Variants in NRG3 observed in about 807,000 individuals in gnomAD.
NRG3 encodes pro-neuregulin-3, membrane-bound isoform.
Under a neutral mutation model 66.9 loss-of-function variants are expected in NRG3, and 31 were observed. The observed-to-expected ratio is 0.46, with a 90% confidence interval of 0.35 to 0.63. The LOEUF (loss-of-function observed/expected upper bound fraction) is 0.63. Ranked by LOEUF, NRG3 falls within the 20% of genes least tolerant of loss-of-function variation. NRG3 has a pLI of 0.00. For synonymous variants in NRG3, 393 were observed against 359.4 expected (o/e 1.09, Z -1.06); for missense variants, 910 against 878.9 (o/e 1.04, Z -0.45).
intron 2 of NRG3, among the ~76,000 whole-genome samples, chr10:82,360,077 C>A (rs1413277271): frequency 6.6e-6 from 1 of 152,202 alleles, no homozygotes; most frequent in East Asian, 1.9e-4. Context: ...TCACCCCTGA[C>A]ATGTGGTGTT....
At chr10:82,941,095 C>A (rs368676087) in intron 4 of NRG3, among the ~76,000 whole-genome samples, 1 of 152,234 alleles carries the variant, frequency 6.6e-6, no homozygotes, top group African/African-American at 2.4e-5. Flanking sequence ...ATCTCAGCTT[C>A]TCTGCACTTG....
intron 3 of NRG3, among the ~76,000 whole-genome samples, chr10:82,756,898 A>G (rs533710343): frequency 3.3e-5 from 5 of 151,952 alleles, no homozygotes; most frequent in Non-Finnish European, 7.4e-5. Context: ...ATACAAAAGC[A>G]CTTGTAAGTT....
At chr10:82,342,609 A>G (rs1183462733) in intron 1 of NRG3, among the ~76,000 whole-genome samples, 1 of 151,852 alleles carries the variant, frequency 6.6e-6, no homozygotes, top group Non-Finnish European at 1.5e-5. Context: ...CCCCTTTTTA[A>G]TAGAGTTATT....
At chr10:82,546,674 T>C (rs1314051220) in intron 2 of NRG3, among the ~76,000 whole-genome samples, 2 of 152,306 alleles carry the variant, frequency 1.3e-5, no homozygotes, top group South Asian at 4.1e-4. Flanking sequence ...TAAATACTTA[T>C]AAAATTAGTC....
intron 2 of NRG3, among the ~76,000 whole-genome samples, chr10:82,516,267 T>C (rs1845645542): frequency 6.6e-6 from 1 of 152,154 alleles, no homozygotes; most frequent in African/African-American, 2.4e-5. Context: ...TTGCTTCTTT[T>C]CTTTACAAAA....
intron 1 of NRG3, among the ~76,000 whole-genome samples, chr10:82,047,192 C>G (rs1022452861): frequency 5.9e-5 from 9 of 151,662 alleles, no homozygotes; most frequent in African/African-American, 2.2e-4. Context: ...GTGAATCCAT[C>G]TGGTCCTGGA....
intron 1 of NRG3, among the ~76,000 whole-genome samples, chr10:82,163,504 G>C (rs2347777): frequency 6.6e-6 from 1 of 152,140 alleles, no homozygotes; most frequent in Non-Finnish European, 1.5e-5. Context: ...TTAGATTTTC[G>C]ATTAGACATC....
intron 7 of NRG3, among the ~76,000 whole-genome samples, chr10:82,976,175 C>G (rs1179910905): frequency 6.6e-6 from 1 of 152,094 alleles, no homozygotes; most frequent in African/African-American, 2.4e-5. Flanking sequence ...CTTGCCTCAG[C>G]CGTCTGAGTA....
At chr10:82,148,173 A>G (rs10490932) in intron 1 of NRG3, among the ~76,000 whole-genome samples, 33,916 of 152,012 alleles carry the variant, frequency 0.22, 4,249 homozygotes, top group African/African-American at 0.32. Flanking sequence ...TGAACATTCT[A>G]ATCAAAAACT....
At chr10:82,757,977 G>A (rs897168144) in intron 3 of NRG3, among the ~76,000 whole-genome samples, 5 of 151,962 alleles carry the variant, frequency 3.3e-5, no homozygotes, top group African/African-American at 1.2e-4. Context: ...TTTGTTCTCA[G>A]CCTTTCTCTA....
chr10:82,968,839 GA>G (rs541543245), intron 6 of NRG3, among the ~76,000 whole-genome samples: 64 of 152,266 alleles, frequency 4.2e-4, no homozygotes, highest in African/African-American at 1.5e-3. Context: ...GATTTATGAA[GA>G]AAAAGAGGTT....
chr10:82,373,962 T>C (rs890824642), intron 2 of NRG3, among the ~76,000 whole-genome samples: 1 of 152,142 alleles, frequency 6.6e-6, no homozygotes, highest in African/African-American at 2.4e-5. Flanking sequence ...GAGCAAAACC[T>C]CTGTATCTAT....
At chr10:82,506,583 A>C (rs1386693886) in intron 2 of NRG3, among the ~76,000 whole-genome samples, 1 of 150,932 alleles carries the variant, frequency 6.6e-6, no homozygotes, top group Non-Finnish European at 1.5e-5. Flanking sequence ...CTGCCTACCT[A>C]CCTTTCCTCT....
intron 2 of NRG3, among the ~76,000 whole-genome samples, chr10:82,664,212 CAATA>C (rs1359808438): frequency 6.6e-6 from 1 of 152,124 alleles, no homozygotes; most frequent in Non-Finnish European, 1.5e-5. Context: ...AGCTAATAAA[CAATA>C]AATAGTTTAA....
At chr10:82,266,320 A>C (rs2134257404) in intron 1 of NRG3, among the ~76,000 whole-genome samples, 1 of 152,226 alleles carries the variant, frequency 6.6e-6, no homozygotes, top group Non-Finnish European at 1.5e-5. Flanking sequence ...TTTGAAAGGT[A>C]AAGCGGAGTT....
chr10:82,415,420 T>C (rs980221062), intron 2 of NRG3, among the ~76,000 whole-genome samples: 8 of 152,154 alleles, frequency 5.3e-5, no homozygotes, highest in African/African-American at 1.9e-4. Context: ...GTGCCCTTAA[T>C]TTGTATTCAG....
intron 1 of NRG3, among the ~76,000 whole-genome samples, chr10:82,102,093 CATATAT>C (rs377044331): frequency 9.2e-6 from 1 of 109,182 alleles, no homozygotes; most frequent in African/African-American, 3.9e-5. Flanking sequence ...TATGTGTATT[CATATAT>C]ATATATGTGT....
chr10:82,316,770 G>A (rs899064770), intron 1 of NRG3, among the ~76,000 whole-genome samples: 13 of 152,168 alleles, frequency 8.5e-5, no homozygotes, highest in African/African-American at 2.9e-4. Flanking sequence ...TGTAGAGAAG[G>A]TGGTGCTTTC....
At chr10:82,654,976 G>A (rs998879087) in intron 2 of NRG3, among the ~76,000 whole-genome samples, 3 of 151,884 alleles carry the variant, frequency 2.0e-5, no homozygotes, top group Non-Finnish European at 2.9e-5. Flanking sequence ...GACTCTGAAA[G>A]CAAATTATTG....
Sources: allele counts gnomAD v4.1 joint callset (sites outside exome capture counted in the v4.1 genomes callset), GRCh38; gene constraint gnomAD v4.1.1; transcripts MANE v1.5; gene names NCBI Gene and HGNC (gene_info 2026-07-23, HGNC 2026-07-21).